Variants in SKIC8 observed in about 807,000 individuals in gnomAD.
SKIC8 encodes SKI8 subunit of superkiller complex.
the SKIC8 span, among the ~76,000 whole-genome samples, chr15:78,297,155 C>T: frequency 3.6e-4 from 55 of 152,266 alleles, no homozygotes; most frequent in African/African-American, 1.3e-3. Flanking sequence ...CAGCACTATG[C>T]TTGGGGGCTA....
chr15:78,289,698 T>C, the SKIC8 span: 3 of 1,613,988 alleles, frequency 1.9e-6, no homozygotes, highest in Non-Finnish European at 1.7e-6. Flanking sequence ...TGGCTAGGTA[T>C]TTCCCATCAG....
the SKIC8 span, chr15:78,291,971 C>T: frequency 6.6e-6 from 1 of 152,446 alleles, no homozygotes; most frequent in African/African-American, 2.4e-5. Flanking sequence ...CATTAGTCAG[C>T]CTATGACATC....
chr15:78,285,434 C>T, the SKIC8 span: 2 of 1,086,518 alleles, frequency 1.8e-6, no homozygotes, highest in East Asian at 5.0e-5. Flanking sequence ...CTTCAGACCC[C>T]CCAACCCCAT....
the SKIC8 span, chr15:78,283,761 C>A: frequency 2.5e-6 from 1 of 393,458 alleles, no homozygotes. Context: ...TTTTTAAATA[C>A]AGTACTAATC....
chr15:78,289,037 T>C, the SKIC8 span: 1 of 366,618 alleles, frequency 2.7e-6, no homozygotes, highest in South Asian at 2.1e-5. Context: ...ATGTGATAGA[T>C]TACGATATAA....
the SKIC8 span, chr15:78,286,945 T>C: frequency 1.3e-5 from 2 of 152,190 alleles, no homozygotes; most frequent in Non-Finnish European, 2.9e-5. Context: ...CGTGACACTG[T>C]AGTTAGGGGT....
chr15:78,289,584 A>T, the SKIC8 span: 1 of 1,467,088 alleles, frequency 6.8e-7, no homozygotes, highest in Admixed American at 1.7e-5. Context: ...GTGATTTGAT[A>T]ACCCAGTTTG....
chr15:78,297,313 G>A, the SKIC8 span, among the ~76,000 whole-genome samples: 134 of 152,248 alleles, frequency 8.8e-4, 1 homozygote, highest in Non-Finnish European at 4.6e-4. Flanking sequence ...ATGTGCATCA[G>A]GCAACTAAAA....
the SKIC8 span, among the ~76,000 whole-genome samples, chr15:78,287,798 T>C: frequency 3.3e-5 from 5 of 152,162 alleles, no homozygotes; most frequent in Non-Finnish European, 7.4e-5. Context: ...CTTGCTTCTA[T>C]ACTCGCAGTC....
the SKIC8 span, among the ~76,000 whole-genome samples, chr15:78,298,563 T>C: frequency 6.6e-6 from 1 of 150,768 alleles, no homozygotes; most frequent in Non-Finnish European, 1.5e-5. Context: ...ATTATTATTG[T>C]TGTTATTCTC....
the SKIC8 span, among the ~76,000 whole-genome samples, chr15:78,297,745 C>T: frequency 6.6e-6 from 1 of 152,170 alleles, no homozygotes; most frequent in African/African-American, 2.4e-5. Context: ...ACGGCCCTCG[C>T]AATTCTACCC....
At chr15:78,290,444 C>T in the SKIC8 span, 1 of 200,762 alleles carries the variant, frequency 5.0e-6, no homozygotes, top group African/African-American at 2.3e-5. Flanking sequence ...AGCAATTCTA[C>T]TCCTAATGAA....
At chr15:78,286,038 TA>T in the SKIC8 span, 1 of 1,611,552 alleles carries the variant, frequency 6.2e-7, no homozygotes, top group Non-Finnish European at 8.5e-7. Flanking sequence ...AATCATTAAG[TA>T]CCTGGAAACA....
chr15:78,292,507 C>T, the SKIC8 span: 4 of 1,295,664 alleles, frequency 3.1e-6, no homozygotes, highest in African/African-American at 2.9e-5. Context: ...CACATTATCA[C>T]CCCTCTCAAA....
At chr15:78,289,738 T>G in the SKIC8 span, 5 of 1,602,886 alleles carry the variant, frequency 3.1e-6, no homozygotes, top group Non-Finnish European at 4.3e-6. Context: ...ATGGAGAAAT[T>G]AGCACTTTCA....
the SKIC8 span, chr15:78,292,389 T>A: frequency 2.0e-5 from 10 of 497,574 alleles, no homozygotes; most frequent in African/African-American, 1.9e-4. Context: ...AGCCTTTATT[T>A]ATCTCCCTTA....
the SKIC8 span, chr15:78,285,424 C>G: frequency 8.3e-7 from 1 of 1,198,390 alleles, no homozygotes; most frequent in African/African-American, 1.5e-5. Flanking sequence ...ATTCTTCTAA[C>G]TTCAGACCCC....
the SKIC8 span, chr15:78,285,368 GTTTGAAGTTGGAAGGAC>G: frequency 6.2e-7 from 1 of 1,607,610 alleles, no homozygotes; most frequent in South Asian, 1.1e-5. Context: ...ATTAGTATCG[GTTTGAAGTTGGAAGGAC>G]TTCGACCAAA....
the SKIC8 span, among the ~76,000 whole-genome samples, chr15:78,287,616 G>A: frequency 6.6e-6 from 1 of 152,188 alleles, no homozygotes; most frequent in East Asian, 1.9e-4. Flanking sequence ...GCCTGGCAGT[G>A]AGAGCTGACC....
Sources: gnomAD v4.1 joint callset for allele counts (sites outside exome capture counted in the v4.1 genomes callset) on GRCh38, gnomAD v4.1.1 for gene constraint, MANE v1.5 for transcripts, NCBI Gene and HGNC (gene_info 2026-07-23, HGNC 2026-07-21) for gene names.